Variants in GPR158 observed in about 807,000 individuals in gnomAD.
GPR158 encodes metabotropic glycine receptor.
In GPR158, 30 loss-of-function variants were observed where a neutral mutation model predicts 78.2. The observed-to-expected ratio is 0.38, with a 90% CI of 0.29 to 0.52. The LOEUF (loss-of-function observed/expected upper bound fraction) is 0.52. Ranked by LOEUF, GPR158 falls within the 20% of genes least tolerant of loss-of-function variation. The pLI is 0.83. For synonymous variants in GPR158, 581 were observed against 591.1 expected (o/e 0.98, Z 0.25); for missense variants, 1,463 against 1,523.5 (o/e 0.96, Z 0.66).
chr10:25,361,208 T>A (rs527689933), intron 2 of GPR158, among the ~76,000 whole-genome samples: 2 of 152,114 alleles, frequency 1.3e-5, no homozygotes, highest in Non-Finnish European at 2.9e-5. Context: ...GTGAGTGTCT[T>A]ATTTCACATA....
rs969153025 is a variant in GPR158, at chr10:25,176,113, G to T, written c.693G>T (p.Arg231Ser). Residue 231 changes from arginine (R) to serine (S), a missense_variant, in exon 1 of 11, where the codon AGG becomes AGT. Arg to Ser is a moderately radical substitution (Grantham distance 110). Transcript: ENST00000376351. The surrounding 1 kb of genome is among the most constrained non-coding windows in gnomAD (Gnocchi z 6.3). ...TCCACGGCCTCCGGCGCAAGTGGAG[G>T]CCCCACTTACACCGCCGCGGCCCCA... ...EWFHGLRRKW[R>S]PHLHRRGPNQ... is the part of the protein sequence containing the mutation. 1.3e-6 allele frequency: 2 copies of T among 1,578,756 alleles called. No homozygotes were observed. The highest frequency in any genetic ancestry group is 3.7e-5 in the Admixed American group (2 of 53,762).
At chr10:25,472,367 C>G (rs1462366707) in intron 5 of GPR158, among the ~76,000 whole-genome samples, 15 of 152,220 alleles carry the variant, frequency 9.9e-5, no homozygotes, top group African/African-American at 3.4e-4. Flanking sequence ...TTACTGTAGC[C>G]TTGTAGTATA....
chr10:25,300,297 G>T (rs1054739066), intron 2 of GPR158, among the ~76,000 whole-genome samples: 1 of 152,092 alleles, frequency 6.6e-6, no homozygotes, highest in African/African-American at 2.4e-5. Context: ...CCTTCTTCCA[G>T]CTTCAAAGGC....
At chr10:25,422,499 A>C (rs1043391587) in intron 4 of GPR158, among the ~76,000 whole-genome samples, 1 of 152,076 alleles carries the variant, frequency 6.6e-6, no homozygotes, top group African/African-American at 2.4e-5. Context: ...TGGAAAAATT[A>C]TCTTCCACGA....
chr10:25,286,243 A>T (rs1854349474), intron 2 of GPR158, among the ~76,000 whole-genome samples: 3 of 151,350 alleles, frequency 2.0e-5, no homozygotes, highest in Non-Finnish European at 2.9e-5. Flanking sequence ...GGTATCTTGG[A>T]TGCTCTGTTT....
intron 2 of GPR158, among the ~76,000 whole-genome samples, chr10:25,253,419 A>C (rs1270369208): frequency 6.6e-6 from 1 of 152,112 alleles, no homozygotes; most frequent in Non-Finnish European, 1.5e-5. Flanking sequence ...GGGATACTAT[A>C]TTTGTGCTTA....
At position 25,600,025 on chromosome 10, in the gene GPR158, G is replaced by C. The variant is rs1001477796; in HGVS notation, c.*751G>C. On this transcript the variant is annotated 3_prime_UTR_variant, in exon 11 of 11. Coordinates refer to ENST00000376351, the MANE Select transcript of GPR158 (RefSeq NM_020752.3). ...ATAAAAACTTTTAGTTTTGGCTGTG[G>C]TTTATATATTGTGACTTTGAATTTG... is the stretch of plus-strand genomic sequence containing the variant. 4 of 152,590 alleles carry C rather than the reference G, an allele frequency of 2.6e-5. No individual in the cohort carries two copies. The highest frequency in any genetic ancestry group is 9.7e-5 in the African/African-American group (4 of 41,428). 9.5% of individuals were successfully genotyped at this position (152,590 alleles called of 1,614,324 possible).
chr10:25,246,437 T>C (rs1325321141), intron 2 of GPR158, among the ~76,000 whole-genome samples: 1 of 152,208 alleles, frequency 6.6e-6, no homozygotes, highest in Non-Finnish European at 1.5e-5. Flanking sequence ...ATTTTGAAAA[T>C]GATTTTTCAA....
At chr10:25,533,453 C>A (rs1588901634) in intron 5 of GPR158, among the ~76,000 whole-genome samples, 1 of 152,176 alleles carries the variant, frequency 6.6e-6, no homozygotes, top group Non-Finnish European at 1.5e-5. Flanking sequence ...GACCAATACA[C>A]TGGTTCCTGG....
intron 4 of GPR158, among the ~76,000 whole-genome samples, chr10:25,423,124 T>C (rs1475013186): frequency 7.7e-6 from 1 of 129,436 alleles, no homozygotes; most frequent in Non-Finnish European, 1.7e-5. Context: ...TATATACATA[T>C]ATATGTATAT....
chr10:25,224,672 ATC>A (rs1853348943), intron 2 of GPR158, among the ~76,000 whole-genome samples: 1 of 152,056 alleles, frequency 6.6e-6, no homozygotes, highest in African/African-American at 2.4e-5. Context: ...TAGTTTTAAT[ATC>A]TGTCATGGTT....
intron 5 of GPR158, among the ~76,000 whole-genome samples, chr10:25,479,430 C>T (rs1214455298): frequency 6.6e-6 from 1 of 151,968 alleles, no homozygotes; most frequent in Non-Finnish European, 1.5e-5. Context: ...TACTTCTTTC[C>T]AGATGCCAGT....
At chr10:25,226,036 A>G (rs573926395) in intron 2 of GPR158, among the ~76,000 whole-genome samples, 6 of 152,286 alleles carry the variant, frequency 3.9e-5, no homozygotes, top group African/African-American at 1.4e-4. Flanking sequence ...CATTTACTGA[A>G]TCACTTAGAA....
intron 1 of GPR158, among the ~76,000 whole-genome samples, chr10:25,213,465 T>A (rs1853162673): frequency 6.6e-6 from 1 of 152,208 alleles, no homozygotes; most frequent in Non-Finnish European, 1.5e-5. Flanking sequence ...TTCTGATATA[T>A]ATTCCACTAT....
chr10:25,596,838 A>G (rs1376785625), intron 10 of GPR158, 49 bp downstream of exon 10: 1 of 1,559,656 alleles, frequency 6.4e-7, no homozygotes, highest in Non-Finnish European at 8.8e-7. Context: ...AGCCTTATTT[A>G]TACAGGCAGG....
chr10:25,448,154 G>T (rs1835163237), intron 4 of GPR158, among the ~76,000 whole-genome samples: 1 of 149,542 alleles, frequency 6.7e-6, no homozygotes, highest in East Asian at 2.0e-4. Context: ...GTGTGATCTA[G>T]GCTCACTGCA....
intron 1 of GPR158, among the ~76,000 whole-genome samples, chr10:25,220,432 C>T (rs558823405): frequency 1.3e-5 from 2 of 152,282 alleles, no homozygotes; most frequent in South Asian, 4.1e-4. Flanking sequence ...TGACACTTCT[C>T]AAATGGCTAA....
At chr10:25,314,430 A>G (rs1181442984) in intron 2 of GPR158, among the ~76,000 whole-genome samples, 2 of 152,134 alleles carry the variant, frequency 1.3e-5, no homozygotes, top group Non-Finnish European at 2.9e-5. Flanking sequence ...AAAGATTTGC[A>G]TCTATGCCTT....
At chr10:25,249,565 A>T (rs1279353976) in intron 2 of GPR158, among the ~76,000 whole-genome samples, 1 of 151,898 alleles carries the variant, frequency 6.6e-6, no homozygotes, top group African/African-American at 2.4e-5. Context: ...ATCTATTGAG[A>T]TAATCATGTG....
Sources: allele counts gnomAD v4.1 joint callset (sites outside exome capture counted in the v4.1 genomes callset), GRCh38; gene constraint gnomAD v4.1.1; non-coding constraint Gnocchi (gnomAD v3.1); transcripts MANE v1.5; gene names NCBI Gene and HGNC (gene_info 2026-07-23, HGNC 2026-07-21).